The following DEPDC5 variants were observed in gnomAD, a reference collection of about 807,000 sequenced individuals.
DEPDC5 encodes the protein GATOR1 complex protein DEPDC5.
A neutral mutation model predicts 217.3 loss-of-function variants in DEPDC5; 73 were observed. That is an observed-to-expected ratio of 0.34 (90% CI 0.28 to 0.41). The LOEUF is 0.41. DEPDC5 is among the 10% of genes least tolerant of loss of function. The pLI is 1.00. For synonymous variants in DEPDC5, 733 were observed against 756.7 expected (o/e 0.97, Z 0.51); for missense variants, 1,675 against 2,070.1 (o/e 0.81, Z 3.70).
chr22:31,829,284 C>T (rs995849143), intron 24 of DEPDC5, among the ~76,000 whole-genome samples: 3 of 152,184 alleles, frequency 2.0e-5, no homozygotes, highest in Non-Finnish European at 4.4e-5. Context: ...GTAATCCCAG[C>T]ACTTTGGGAG....
At chr22:31,777,991 G>T in intron 7 of DEPDC5, 108 bp from the exon 8 acceptor site, 1 of 1,211,964 alleles carries the variant, frequency 8.3e-7, no homozygotes, top group Non-Finnish European at 1.2e-6. Context: ...CAGGTAATTC[G>T]CCCGCCTTGG....
At chr22:31,849,116 C>T (rs1413703858) in intron 31 of DEPDC5, among the ~76,000 whole-genome samples, 1 of 152,154 alleles carries the variant, frequency 6.6e-6, no homozygotes, top group African/African-American at 2.4e-5. Flanking sequence ...CTTTTGAGCC[C>T]TCCAAGTCAC....
intron 20 of DEPDC5, among the ~76,000 whole-genome samples, chr22:31,813,102 G>A (rs952908830): frequency 6.6e-6 from 1 of 152,136 alleles, no homozygotes; most frequent in Non-Finnish European, 1.5e-5. Context: ...TCTTAATTTT[G>A]TGGCAAATGA....
chr22:31,781,124 G>A (rs2084383945), intron 8 of DEPDC5, among the ~76,000 whole-genome samples: 1 of 151,738 alleles, frequency 6.6e-6, no homozygotes, highest in South Asian at 2.1e-4. Context: ...GCTGAGGCAA[G>A]AGAATCTCTT....
chr22:31,863,601 G>A (rs1213850953), intron 33 of DEPDC5, among the ~76,000 whole-genome samples: 2 of 152,148 alleles, frequency 1.3e-5, no homozygotes, highest in Non-Finnish European at 2.9e-5. Flanking sequence ...CTTGAGCCCA[G>A]GAGAATAAGA....
Position 31,793,398 on chromosome 22 carries a change from T to C in DEPDC5, c.767+581T>C, listed in dbSNP as rs376584378. 1.8e-4 allele frequency among the ~76,000 whole-genome samples: 28 copies of C among 152,238 alleles called. No homozygotes were observed. In the East Asian group the frequency reaches 4.0e-3, roughly 22 times the overall value. On this transcript the variant is annotated intron_variant, in intron 12 of 42. Coordinates refer to ENST00000651528, the MANE Select transcript of DEPDC5 (RefSeq NM_001242896.3). The stretch of plus-strand genomic sequence containing the variant: ...AAGAGCAAATAATATAATGAGCCCG[T>C]ATACCCAATACCTGAATTTAACAGT...
chr22:31,827,189 T>C (rs559352737), intron 24 of DEPDC5, among the ~76,000 whole-genome samples: 1 of 152,220 alleles, frequency 6.6e-6, no homozygotes, highest in South Asian at 2.1e-4. Context: ...TTATGTAACC[T>C]ATAGCATGTG....
At chr22:31,815,470 G>T in intron 21 of DEPDC5, 1 of 653,036 alleles carries the variant, frequency 1.5e-6, no homozygotes, top group Non-Finnish European at 2.7e-6. Context: ...GTGCGGCCTT[G>T]AACTCCTGGA....
chr22:31,805,075 A>AG, intron 17 of DEPDC5, 160 bp downstream of exon 17: 1 of 616,862 alleles, frequency 1.6e-6, no homozygotes. Flanking sequence ...GTACACACAA[A>AG]GCAGTAGCAG....
At chr22:31,849,353 C>T (rs575296834) in intron 31 of DEPDC5, among the ~76,000 whole-genome samples, 1 of 152,174 alleles carries the variant, frequency 6.6e-6, no homozygotes, top group African/African-American at 2.4e-5. Context: ...GTTTAATTGA[C>T]TCACAGTTCA....
chr22:31,894,560 C>G (rs765455755), intron 39 of DEPDC5: 5 of 152,146 alleles, frequency 3.3e-5, no homozygotes, highest in Non-Finnish European at 5.9e-5. Flanking sequence ...TTGGCAATAT[C>G]TGAAGACAGA....
chr22:31,838,756 A>G lies in DEPDC5; in HGVS notation c.2426A>G (p.Gln809Arg). Residue 809 changes from glutamine (Q) to arginine (R), a missense_variant, in exon 27 of 43, where the codon CAG becomes CGG. This residue lies in a region of DEPDC5 where 293 missense variants were observed against 386.1 expected (regional missense o/e 0.76). Transcript: ENST00000651528. ...GAGTTTATTTGCCAACGTCTCATGC[A>G]GGGCTACCAAATCATAGTGCAGCCC... ...FEEFICQRLM[Q>R]GYQIIVQPKT... 1 of 1,614,152 alleles carries G rather than the reference A, an allele frequency of 6.2e-7. No individual in the cohort carries two copies. The highest frequency in any genetic ancestry group is 8.5e-7 in the Non-Finnish European group (1 of 1,180,022).
chr22:31,903,357 C>A (rs1318683573), intron 41 of DEPDC5, among the ~76,000 whole-genome samples: 2 of 63,130 alleles, frequency 3.2e-5, no homozygotes, highest in African/African-American at 1.3e-4. Flanking sequence ...CACACCTATT[C>A]CCCCCACCTT....
At chr22:31,846,720 C>T in intron 30 of DEPDC5, 114 bp from the exon 31 acceptor site, 6 of 1,473,268 alleles carry the variant, frequency 4.1e-6, no homozygotes, top group East Asian at 4.5e-5. Flanking sequence ...TGTTCCTTGA[C>T]CCTGTCCATG....
Position 31,859,672 on chromosome 22 carries a change from C to T in DEPDC5, c.3265-1696C>T, listed in dbSNP as rs867846263. On this transcript the variant is annotated intron_variant, in intron 32 of 42. Transcript: ENST00000651528. ...CCTCCCAAAGTGCTGGGATTACAGG[C>T]GTGAGCCACCATGCGCAGCCGTAAA... 2.6e-5 allele frequency among the ~76,000 whole-genome samples: 4 copies of T among 152,188 alleles called. No homozygotes were observed. In the South Asian group the frequency reaches 8.3e-4, roughly 32 times the overall value.
rs114777738 is a variant in DEPDC5 at position 31,821,471 on chromosome 22, A to G, written c.1871-31A>G. On this transcript the variant is annotated intron_variant, in intron 22 of 42. Coordinates refer to ENST00000651528, the MANE Select transcript of DEPDC5 (RefSeq NM_001242896.3). Reference sequence around the variant, plus strand: ...TGCACAGCACTAGCTATCAGGTGGGAATGATGCTCAGTGGTTCTTTATCTG... The same window carrying G: ...TGCACAGCACTAGCTATCAGGTGGGGATGATGCTCAGTGGTTCTTTATCTG... The G allele has an allele frequency of 5.7e-4, 922 of 1,612,030 alleles. 10 individuals carry two copies. The African/African-American group carries it at 0.011, about 20-fold the overall frequency.
intron 38 of DEPDC5, among the ~76,000 whole-genome samples, chr22:31,892,873 ATT>A (rs948740613): frequency 0.033 from 3,899 of 119,904 alleles, 76 homozygotes; most frequent in African/African-American, 0.092. Context: ...TTGGTGGTGT[ATT>A]TTTTTTTTTT....
At chr22:31,892,953 G>A (rs1281479853) in intron 38 of DEPDC5, among the ~76,000 whole-genome samples, 2 of 143,874 alleles carry the variant, frequency 1.4e-5, no homozygotes, top group Admixed American at 7.3e-5. Context: ...TCGGCTCACT[G>A]CAACCTCTGC....
rs1390598853 is a variant in DEPDC5, at chr22:31,885,884, A to C, written c.4033+6132A>C. On this transcript the variant is annotated intron_variant, in intron 38 of 42. Transcript: ENST00000651528. ...CCCCGTCTCTACTAAAAATGCAAAAATTAGCTGGGTGTGGTGGCGGGCACA... is the reference window on the plus strand; with the variant it reads ...CCCCGTCTCTACTAAAAATGCAAAACTTAGCTGGGTGTGGTGGCGGGCACA... Among the ~76,000 whole-genome samples, 4 of 151,670 alleles carry C rather than the reference A, an allele frequency of 2.6e-5. No homozygotes were observed. The East Asian group carries it at 7.7e-4, about 29-fold the overall frequency.
Sources: allele counts gnomAD v4.1 joint callset (sites outside exome capture counted in the v4.1 genomes callset), GRCh38; gene constraint gnomAD v4.1.1; regional missense constraint gnomAD v4.1.1; transcripts MANE v1.5; gene names NCBI Gene and HGNC (gene_info 2026-07-23, HGNC 2026-07-21).